The following SPATS2L variants were observed in gnomAD, a reference collection of about 807,000 sequenced individuals.
SPATS2L encodes spermatogenesis associated serine rich 2 like, also known as SPATS2-like protein.
In SPATS2L, 30 loss-of-function variants were observed where a neutral mutation model predicts 59.6. That is an observed-to-expected ratio of 0.50 (90% confidence interval 0.38 to 0.68). The LOEUF is 0.68. SPATS2L is among the 30% of genes least tolerant of loss of function. SPATS2L has a pLI of 0.00. For synonymous variants in SPATS2L, 252 were observed against 263.5 expected (o/e 0.96, Z 0.42); for missense variants, 615 against 700.0 (o/e 0.88, Z 1.37).
chr2:200,476,088 T>C (rs1286219704), intron 12 of SPATS2L, among the ~76,000 whole-genome samples: 1 of 152,200 alleles, frequency 6.6e-6, no homozygotes, highest in Non-Finnish European at 1.5e-5. Flanking sequence ...TCAATGAGTG[T>C]TGGCTATTAC....
chr2:200,306,175 G>C, upstream of SPATS2L: 1 of 999,974 alleles, frequency 1.0e-6, no homozygotes, highest in Non-Finnish European at 1.2e-6. Context: ...TTTTCGAATG[G>C]GCTATCTTTG....
chr2:200,364,561 A>G (rs1254555350), intron 2 of SPATS2L, among the ~76,000 whole-genome samples: 1 of 152,144 alleles, frequency 6.6e-6, no homozygotes, highest in Non-Finnish European at 1.5e-5. Flanking sequence ...AGTCTCTCCT[A>G]GGGTTCATCA....
upstream of SPATS2L, chr2:200,306,575 G>A (rs1471478030): frequency 1.0e-6 from 1 of 1,001,920 alleles, no homozygotes; most frequent in Non-Finnish European, 1.2e-6. Flanking sequence ...CGGGAGCGAG[G>A]GGCGCCGGCT....
chr2:200,456,345 G>A (rs1043790661), intron 8 of SPATS2L, among the ~76,000 whole-genome samples: 92 of 152,214 alleles, frequency 6.0e-4, no homozygotes, highest in African/African-American at 2.2e-3. Context: ...AATACCCAGA[G>A]AAACGGAAGC....
intron 9 of SPATS2L, among the ~76,000 whole-genome samples, chr2:200,465,956 C>T (rs950783533): frequency 1.3e-5 from 2 of 152,120 alleles, no homozygotes; most frequent in Admixed American, 6.5e-5. Context: ...GGTGTGAACC[C>T]GGGAGGCGGA....
chr2:200,387,456 T>TA (rs1264424674), intron 2 of SPATS2L, among the ~76,000 whole-genome samples: 1 of 152,254 alleles, frequency 6.6e-6, no homozygotes, highest in East Asian at 1.9e-4. Context: ...AATAAAATGT[T>TA]ACTGTTTCTA....
At chr2:200,315,375 C>T (rs1160368726) in intron 1 of SPATS2L, among the ~76,000 whole-genome samples, 1 of 152,028 alleles carries the variant, frequency 6.6e-6, no homozygotes, top group Non-Finnish European at 1.5e-5. Flanking sequence ...CAGGAATTCT[C>T]GTGGTATGGT....
intron 6 of SPATS2L, among the ~76,000 whole-genome samples, chr2:200,429,692 T>C (rs918668389): frequency 4.6e-5 from 7 of 152,158 alleles, no homozygotes; most frequent in Admixed American, 2.6e-4. Context: ...AAGAGAGATA[T>C]ACTCCTGTTC....
intron 3 of SPATS2L, among the ~76,000 whole-genome samples, chr2:200,398,974 A>G (rs931161306): frequency 1.3e-5 from 2 of 151,892 alleles, no homozygotes; most frequent in East Asian, 1.9e-4. Flanking sequence ...ATGCTTCGGA[A>G]CTCTGCTTCT....
intron 3 of SPATS2L, chr2:200,389,669 G>A (rs890283409): frequency 1.1e-4 from 19 of 168,930 alleles, no homozygotes; most frequent in Non-Finnish European, 7.7e-5. Context: ...CCCCAGGCTG[G>A]GTTACATCTA....
At position 200,321,090 on chromosome 2, in the gene SPATS2L, C is replaced by T. The variant is rs544726737; in HGVS notation, c.-72-8341C>T. Among the ~76,000 whole-genome samples the T allele has an allele frequency of 3.3e-5, 5 of 152,222 alleles. No homozygotes were observed. In the East Asian group the frequency reaches 7.7e-4, roughly 23 times the overall value. ...AATTAAAAGTCAGCTCAAATTCCAC[C>T]TCTCAGAGATTGTCACTGTTAGCAT... On this transcript the variant is annotated intron_variant, in intron 1 of 12. Transcript: ENST00000409140.
At chr2:200,426,689 T>C (rs1332289765) in intron 6 of SPATS2L, among the ~76,000 whole-genome samples, 2 of 152,216 alleles carry the variant, frequency 1.3e-5, no homozygotes, top group Non-Finnish European at 2.9e-5. Flanking sequence ...ATCACACCAC[T>C]GTACCCCAGC....
At chr2:200,454,057 C>T (rs2085659185) in intron 8 of SPATS2L, among the ~76,000 whole-genome samples, 2 of 152,310 alleles carry the variant, frequency 1.3e-5, no homozygotes, top group Admixed American at 6.5e-5. Flanking sequence ...AGCTGAAGTA[C>T]TTTCCCCACA....
intron 1 of SPATS2L, among the ~76,000 whole-genome samples, chr2:200,328,891 T>C (rs978099214): frequency 3.3e-5 from 5 of 152,146 alleles, no homozygotes; most frequent in African/African-American, 1.2e-4. Context: ...ACAAGAACAA[T>C]AGCTAACATT....
At chr2:200,403,197 G>A (rs757386068) in intron 3 of SPATS2L, among the ~76,000 whole-genome samples, 3 of 152,170 alleles carry the variant, frequency 2.0e-5, no homozygotes, top group Non-Finnish European at 2.9e-5. Flanking sequence ...ACCAAGGCAG[G>A]TGCAGGTCTC....
chr2:200,357,975 A>C (rs980210083), intron 2 of SPATS2L, among the ~76,000 whole-genome samples: 1 of 152,194 alleles, frequency 6.6e-6, no homozygotes, highest in Non-Finnish European at 1.5e-5. Flanking sequence ...TGAGACAAGG[A>C]AACTGGCCTG....
intron 2 of SPATS2L, among the ~76,000 whole-genome samples, chr2:200,384,768 C>T (rs1042415813): frequency 1.3e-5 from 2 of 152,106 alleles, no homozygotes; most frequent in Non-Finnish European, 2.9e-5. Flanking sequence ...TCCTTGATCT[C>T]TATTTTTCTT....
rs765111982 is a variant in SPATS2L, at chr2:200,419,396, C to G, written c.345C>G (p.Ser115Arg). The change falls in exon 6 of 13, where the codon AGC (serine) becomes AGG (arginine). Residue 115 changes from serine to arginine, a missense_variant. Physicochemically the swap from Ser to Arg is moderately radical, Grantham distance 110. Around this residue, in one of 3 missense-constraint regions of SPATS2L, gnomAD observed 227 missense variants for 257.4 expected, o/e 0.88. Transcript: ENST00000409140. ...NGPMNGCEKD[S>R]SSTDSANEKP... ...CCATGAATGGCTGCGAGAAGGACAGCTCGTCCACAGATTCTGCTAACGAAA... is the reference window on the plus strand; with the variant it reads ...CCATGAATGGCTGCGAGAAGGACAGGTCGTCCACAGATTCTGCTAACGAAA... 4.3e-6 allele frequency: 7 copies of G among 1,613,408 alleles called. No homozygotes were observed. Among genetic ancestry groups the G allele is most frequent in the Non-Finnish European group, 5.9e-6 (7 of 1,179,728 alleles).
In SPATS2L at chr2:200,466,358, C is replaced by T. The variant is rs925014375; in HGVS notation, c.848-932C>T. ...AGAAATGAAGGCAATTCATATGAGT[C>T]GAATTAGAGAGCCAGAAGTCTATCT... On this transcript the variant is annotated intron_variant, in intron 9 of 12. Coordinates refer to ENST00000409140, the MANE Select transcript of SPATS2L (RefSeq NM_001100423.2). 1.2e-4 allele frequency among the ~76,000 whole-genome samples: 18 copies of T among 152,142 alleles called. 1 individual carries two copies. The highest frequency in any genetic ancestry group is 4.6e-4 in the Admixed American group (7 of 15,286).
Sources: gnomAD v4.1 joint callset for allele counts (sites outside exome capture counted in the v4.1 genomes callset) on GRCh38, gnomAD v4.1.1 for gene constraint, gnomAD v4.1.1 regional missense constraint, MANE v1.5 for transcripts, NCBI Gene and HGNC (gene_info 2026-07-23, HGNC 2026-07-21) for gene names.